RNF43: variants seen among roughly 807,000 people sequenced by gnomAD.
RNF43 encodes the protein ring finger protein 43, also known as E3 ubiquitin-protein ligase RNF43.
In RNF43, 37 loss-of-function variants were observed where a neutral mutation model predicts 78.4. That is an observed-to-expected ratio of 0.47 (90% CI 0.36 to 0.62). RNF43 has a LOEUF of 0.62. RNF43 is among the 20% of genes least tolerant of loss of function. The probability of loss-of-function intolerance (pLI) is 0.00; values close to 1 mark genes in which losing one functional copy is unlikely to be tolerated. For missense variants in RNF43, 774 were observed against 1,007.9 expected (o/e 0.77, Z 3.14); for synonymous variants, 347 against 395.0 (o/e 0.88, Z 1.44).
chr17:58,365,993 T>TA (rs1972941134), intron 3 of RNF43, among the ~76,000 whole-genome samples: 1 of 152,192 alleles, frequency 6.6e-6, no homozygotes, highest in African/African-American at 2.4e-5. Flanking sequence ...CTCTGGGCCT[T>TA]AGATTTTCTT....
chr17:58,387,202 G>T (rs763044572), intron 2 of RNF43, among the ~76,000 whole-genome samples: 6 of 152,144 alleles, frequency 3.9e-5, no homozygotes, highest in Non-Finnish European at 8.8e-5. Flanking sequence ...GTCAGTCTGG[G>T]ATTAAGTTCA....
At chr17:58,363,945 G>A (rs781479108) in intron 3 of RNF43, among the ~76,000 whole-genome samples, 1 of 152,194 alleles carries the variant, frequency 6.6e-6, no homozygotes, top group Non-Finnish European at 1.5e-5. Flanking sequence ...CAATCAGCCT[G>A]CCTTCACTAA....
At chr17:58,391,904 A>C (rs1258827527) in intron 2 of RNF43, among the ~76,000 whole-genome samples, 1 of 152,200 alleles carries the variant, frequency 6.6e-6, no homozygotes, top group Non-Finnish European at 1.5e-5. Context: ...CAAGGTCAGT[A>C]CTGGGGCCAG....
At chr17:58,399,828 G>T (rs1022249051) in intron 2 of RNF43, among the ~76,000 whole-genome samples, 11 of 152,056 alleles carry the variant, frequency 7.2e-5, no homozygotes, top group African/African-American at 2.4e-4. Flanking sequence ...TTTTAGTAGA[G>T]ACTGGGTTTC....
Position 58,353,695 on chromosome 17 carries a change from G to T in RNF43, c.*1248C>A. 4.7e-6 allele frequency: 1 copy of T among 210,664 alleles called. No individual in the cohort carries two copies. 13.0% of individuals were successfully genotyped at this position (210,664 alleles called of 1,614,324 possible). A position where few individuals can be genotyped will look rare whatever the true frequency, so the allele number is the denominator to read the frequency against. On this transcript the variant is annotated 3_prime_UTR_variant, in exon 10 of 10. Coordinates refer to ENST00000407977, the MANE Select transcript of RNF43 (RefSeq NM_017763.6). ...ACCACATTTGTGGATAAATATATTAGCAAATAAATATATTTCTTAACATAG... is the reference window on the plus strand; with the variant it reads ...ACCACATTTGTGGATAAATATATTATCAAATAAATATATTTCTTAACATAG...
chr17:58,405,068 CTTTTTTTTTTTTTTTTTT>C (rs35147601), intron 2 of RNF43, among the ~76,000 whole-genome samples: 1 of 79,604 alleles, frequency 1.3e-5, no homozygotes, highest in Non-Finnish European at 2.4e-5. Flanking sequence ...TGTAGTACTT[CTTTTTTTTTTTTTTTTTT>C]TTTTTTTTTG....
intron 3 of RNF43, among the ~76,000 whole-genome samples, chr17:58,366,234 C>G (rs1434219402): frequency 6.6e-6 from 1 of 152,164 alleles, no homozygotes; most frequent in Non-Finnish European, 1.5e-5. Context: ...CTCTACTATC[C>G]CCTCCACCAA....
intron 6 of RNF43, 69 bp downstream of exon 6, chr17:58,362,475 C>G (rs998980139): frequency 2.6e-6 from 3 of 1,149,234 alleles, no homozygotes; most frequent in African/African-American, 1.6e-5. Flanking sequence ...CGTACTCCTT[C>G]CTTCTCCCTA....
chr17:58,399,896 T>C (rs1973759074), intron 2 of RNF43, among the ~76,000 whole-genome samples: 1 of 152,054 alleles, frequency 6.6e-6, no homozygotes, highest in African/African-American at 2.4e-5. Flanking sequence ...CGCCTCAGCC[T>C]CCCAAAGTAC....
At chr17:58,409,245 C>T (rs1367202061) in intron 2 of RNF43, among the ~76,000 whole-genome samples, 1 of 152,122 alleles carries the variant, frequency 6.6e-6, no homozygotes, top group East Asian at 1.9e-4. Flanking sequence ...GTTAATATCA[C>T]CTGTTCTTAC....
intron 3 of RNF43, among the ~76,000 whole-genome samples, chr17:58,367,018 G>A (rs1226097992): frequency 2.3e-5 from 3 of 129,742 alleles, no homozygotes; most frequent in East Asian, 2.3e-4. Context: ...TTTTTGAGAC[G>A]GAGTCTCGCT....
chr17:58,363,029 C>T (rs62082092), intron 5 of RNF43: 1 of 555,446 alleles, frequency 1.8e-6, no homozygotes, highest in East Asian at 2.9e-5. Context: ...TCTGCTATTC[C>T]ATGCCATGAA....
At chr17:58,409,202 T>C (rs900603928) in intron 2 of RNF43, among the ~76,000 whole-genome samples, 4 of 152,224 alleles carry the variant, frequency 2.6e-5, no homozygotes, top group African/African-American at 9.6e-5. Context: ...TTTCTTTCTC[T>C]TTCCCAATAT....
At position 58,358,651 on chromosome 17, in the gene RNF43, G is replaced by A. The variant is rs866759587; in HGVS notation, c.1125C>T (p.Phe375=). ...CCATGCCTGGCTCCTGGGATGGCAG[G>A]AAGGGACCAGGTCGTGGGGGCCGAG... The part of the protein sequence containing the change: ...AVARPPRPGP[F]LPSQEPGMGP... The change falls in exon 9 of 10, where the codon TTC becomes TTT. Residue 375 remains phenylalanine (F), a synonymous_variant. Coordinates refer to ENST00000407977, the MANE Select transcript of RNF43 (RefSeq NM_017763.6). This position sits in a 1 kb window ranked among gnomAD's most constrained non-coding sequence, Gnocchi z 6.2. 1 of 1,529,398 alleles carries A rather than the reference G, an allele frequency of 6.5e-7. No individual in the cohort carries two copies. Among genetic ancestry groups the A allele is most frequent in the Non-Finnish European group, 8.8e-7 (1 of 1,135,632 alleles). The allele number at this position is 1,529,398 out of a possible 1,614,324, so 94.7% of individuals were successfully genotyped here. A position where few individuals can be genotyped will look rare whatever the true frequency, so the allele number is the denominator to read the frequency against.
intron 2 of RNF43, among the ~76,000 whole-genome samples, chr17:58,393,407 CA>C (rs578019838): frequency 2.0e-5 from 3 of 149,554 alleles, no homozygotes; most frequent in Admixed American, 6.6e-5. Context: ...AACTCCATCT[CA>C]AAAAAAAAAT....
At chr17:58,374,708 A>G (rs1363420647) in intron 2 of RNF43, among the ~76,000 whole-genome samples, 3 of 151,978 alleles carry the variant, frequency 2.0e-5, no homozygotes, top group Non-Finnish European at 2.9e-5. Context: ...TTCACTCTTG[A>G]TGACTTCTCT....
chr17:58,379,707 C>T (rs570365712), intron 2 of RNF43, among the ~76,000 whole-genome samples: 12 of 152,242 alleles, frequency 7.9e-5, no homozygotes, highest in African/African-American at 2.6e-4. Flanking sequence ...GGAGTGCACT[C>T]GTAAGCAAAT....
At chr17:58,388,196 A>G (rs193292070) in intron 2 of RNF43, among the ~76,000 whole-genome samples, 139 of 152,352 alleles carry the variant, frequency 9.1e-4, no homozygotes, top group Non-Finnish European at 1.7e-3. Flanking sequence ...GTAGCAGCAT[A>G]TGTAATTGCT....
chr17:58,411,486 A>C (rs758784696), intron 2 of RNF43, among the ~76,000 whole-genome samples: 1 of 152,092 alleles, frequency 6.6e-6, no homozygotes, highest in Non-Finnish European at 1.5e-5. Context: ...AGGCAAGCAG[A>C]GACATTGTGC....
Sources: gnomAD v4.1 joint callset for allele counts (sites outside exome capture counted in the v4.1 genomes callset) on GRCh38, gnomAD v4.1.1 for gene constraint, Gnocchi (gnomAD v3.1) non-coding constraint, MANE v1.5 for transcripts, NCBI Gene and HGNC (gene_info 2026-07-23, HGNC 2026-07-21) for gene names.